The following SLC4A8 variants were observed in gnomAD, a reference collection of about 807,000 sequenced individuals.
SLC4A8 encodes electroneutral sodium bicarbonate exchanger 1.
A neutral mutation model predicts 125.0 loss-of-function variants in SLC4A8; 40 were observed. The ratio of observed to expected loss-of-function variants is 0.32; its 90% CI spans 0.25 to 0.42. The LOEUF (loss-of-function observed/expected upper bound fraction) is 0.42. Among genes scored for constraint, SLC4A8 ranks in the 10% least tolerant of loss-of-function variants. SLC4A8 has a pLI of 1.00. For missense variants in SLC4A8, 863 were observed against 1,355.1 expected (o/e 0.64, Z 5.70); for synonymous variants, 456 against 476.0 (o/e 0.96, Z 0.55).
chr12:51,439,791 A>G (rs1334018698), intron 1 of SLC4A8, among the ~76,000 whole-genome samples: 1 of 152,210 alleles, frequency 6.6e-6, no homozygotes, highest in African/African-American at 2.4e-5. Context: ...GAATGGATGA[A>G]TAAGTAACTT....
rs1275921937 is a variant in SLC4A8, at chr12:51,514,626, A to G, written c.*7188A>G. On this transcript the variant is annotated 3_prime_UTR_variant, in exon 25 of 25. Transcript: ENST00000453097. The stretch of plus-strand genomic sequence containing the variant: ...TAAGAATTCTCAAGCCTTCAGTTTC[A>G]TCCATATTTCAATGTAAGCAGAAAA... 2 of 152,200 alleles carry G rather than the reference A, an allele frequency of 1.3e-5. No homozygotes were observed. Among genetic ancestry groups the G allele is most frequent in the African/African-American group, 4.8e-5 (2 of 41,450 alleles). The allele number at this position is 152,200 out of a possible 1,614,324, so 9.4% of individuals were successfully genotyped here.
intron 19 of SLC4A8, among the ~76,000 whole-genome samples, chr12:51,492,105 G>A (rs1951333270): frequency 6.6e-6 from 1 of 152,036 alleles, no homozygotes; most frequent in African/African-American, 2.4e-5. Context: ...GTTTTGTTTT[G>A]TTTTTGGTAC....
rs547778645 is a variant in SLC4A8 at position 51,406,045 on chromosome 12, G to A, written c.-112+14557G>A. Among the ~76,000 whole-genome samples the A allele has an allele frequency of 6.5e-4, 99 of 152,348 alleles. 3 individuals carry two copies. The highest frequency in any genetic ancestry group is 2.5e-4 in the Non-Finnish European group (17 of 68,034). On this transcript the variant is annotated intron_variant, in intron 1 of 24. Coordinates refer to the SLC4A8 transcript ENST00000358657. Reference sequence around the variant, plus strand: ...AAGACAAACACACCAGAGAGGTGATGTAATGGGGTTATCAGGGCATTTCCT... The same window carrying A: ...AAGACAAACACACCAGAGAGGTGATATAATGGGGTTATCAGGGCATTTCCT...
At chr12:51,501,581 T>C (rs1343395307) in intron 22 of SLC4A8, among the ~76,000 whole-genome samples, 1 of 152,216 alleles carries the variant, frequency 6.6e-6, no homozygotes, top group Non-Finnish European at 1.5e-5. Context: ...GTTGATTCCA[T>C]TTCTTTGCTA....
chr12:51,425,460 G>C, intron 1 of SLC4A8: 2 of 994,034 alleles, frequency 2.0e-6, no homozygotes, highest in East Asian at 1.1e-4. Flanking sequence ...GGGGTTTCTG[G>C]TTCCTCAGTG....
At chr12:51,420,717 G>T (rs573909481), upstream of SLC4A8, among the ~76,000 whole-genome samples, 1 of 152,302 alleles carries the variant, frequency 6.6e-6, no homozygotes, top group Admixed American at 6.5e-5. Flanking sequence ...GGATGGCCAC[G>T]TCAGGAAGCC....
At chr12:51,484,346 C>G (rs1951108249) in intron 16 of SLC4A8, among the ~76,000 whole-genome samples, 1 of 152,166 alleles carries the variant, frequency 6.6e-6, no homozygotes. Context: ...AAGATAGTAT[C>G]TGTCATCAGA....
At chr12:51,436,653 G>A (rs1949427526) in intron 1 of SLC4A8, among the ~76,000 whole-genome samples, 1 of 151,990 alleles carries the variant, frequency 6.6e-6, no homozygotes, top group South Asian at 2.1e-4. Flanking sequence ...TTGAGATGGA[G>A]TCTCACTCTG....
intron 10 of SLC4A8, 114 bp downstream of exon 10, chr12:51,462,570 G>C (rs1487177978): frequency 1.0e-5 from 8 of 779,134 alleles, no homozygotes; most frequent in Non-Finnish European, 1.5e-5. Context: ...GCTCTGTTTT[G>C]GTGCACCTAG....
intron 19 of SLC4A8, among the ~76,000 whole-genome samples, chr12:51,490,903 G>A (rs1194142668): frequency 1.3e-5 from 2 of 152,336 alleles, no homozygotes; most frequent in South Asian, 2.1e-4. Context: ...AGACAGACCA[G>A]TGAAGCTGTT....
intron 1 of SLC4A8, among the ~76,000 whole-genome samples, chr12:51,392,593 AAG>A (rs1261866494): frequency 1.0e-3 from 157 of 150,594 alleles, no homozygotes; most frequent in African/African-American, 3.0e-3. Flanking sequence ...AAAAGAAAAA[AAG>A]AAAAGAAAAG....
intron 1 of SLC4A8, among the ~76,000 whole-genome samples, chr12:51,412,576 C>T (rs2137973690): frequency 6.6e-6 from 1 of 152,310 alleles, no homozygotes; most frequent in South Asian, 2.1e-4. Flanking sequence ...TCTGTTCATT[C>T]CCCACCTGCC....
chr12:51,425,342 G>A (rs549904463), intron 1 of SLC4A8: 2 of 1,215,590 alleles, frequency 1.6e-6, no homozygotes, highest in Admixed American at 4.4e-5. Flanking sequence ...CTTTCTGTTG[G>A]AAGGGGCCGG....
In SLC4A8 at chr12:51,393,622, G is replaced by A. The variant is rs76063845; in HGVS notation, c.-112+2134G>A. ...AGTCAGGAGAGAAGGCCAGCAGAGT[G>A]TGGAGAAGAAGAGTTGCCCAGCTAC... is the stretch of plus-strand genomic sequence containing the variant. On this transcript the variant is annotated intron_variant, in intron 1 of 24. Transcript: ENST00000358657. 8.7e-3 allele frequency among the ~76,000 whole-genome samples: 1,325 copies of A among 152,330 alleles called. 19 individuals are homozygous for A. Among genetic ancestry groups the A allele is most frequent in the African/African-American group, 0.03 (1,242 of 41,574 alleles).
intron 11 of SLC4A8, among the ~76,000 whole-genome samples, chr12:51,469,398 T>C (rs1181952060): frequency 1.3e-5 from 2 of 152,230 alleles, no homozygotes; most frequent in Non-Finnish European, 2.9e-5. Context: ...TAATTCTTTG[T>C]ATGTTTAGGA....
At chr12:51,418,116 T>C (rs1213694511) in intron 1 of SLC4A8, among the ~76,000 whole-genome samples, 3 of 152,154 alleles carry the variant, frequency 2.0e-5, no homozygotes, top group Non-Finnish European at 1.5e-5. Context: ...CTACAAGAAT[T>C]TGAAGGGCTG....
At chr12:51,485,745 T>C (rs765891583) in intron 16 of SLC4A8, 42 bp from the exon 17 acceptor site, 1 of 1,153,914 alleles carries the variant, frequency 8.7e-7, no homozygotes, top group South Asian at 1.2e-5. Flanking sequence ...TTCTACTGTA[T>C]TTAACCTGCC....
chr12:51,441,044 A>G (rs2138129062), intron 2 of SLC4A8: 1 of 1,146,098 alleles, frequency 8.7e-7, no homozygotes, highest in Non-Finnish European at 1.1e-6. Context: ...AGTCCAATAT[A>G]AATATTAACA....
intron 1 of SLC4A8, among the ~76,000 whole-genome samples, chr12:51,405,753 G>A (rs1948473823): frequency 1.3e-5 from 2 of 152,138 alleles, no homozygotes; most frequent in South Asian, 4.1e-4. Flanking sequence ...CAGGTCAAAG[G>A]TTATGAACAT....
Sources: allele counts gnomAD v4.1 joint callset (sites outside exome capture counted in the v4.1 genomes callset), GRCh38; gene constraint gnomAD v4.1.1; transcripts MANE v1.5; gene names NCBI Gene and HGNC (gene_info 2026-07-23, HGNC 2026-07-21).